CLEC9A: variants seen among roughly 807,000 people sequenced by gnomAD.
CLEC9A encodes C-type lectin domain containing 9A.
In CLEC9A, 24 loss-of-function variants were observed where a neutral mutation model predicts 30.0. The ratio of observed to expected loss-of-function variants is 0.80; its 90% CI spans 0.58 to 1.13. The LOEUF (loss-of-function observed/expected upper bound fraction) is 1.13. Among genes scored for constraint, CLEC9A ranks in the 50% most tolerant of loss-of-function variants. The pLI is 0.00. For missense variants in CLEC9A, 251 were observed against 280.9 expected, an observed-to-expected ratio of 0.89 and a Z score of 0.76; for synonymous variants, 111 against 96.8, an observed-to-expected ratio of 1.15 and a Z score of -0.86.
At chr12:10,060,638 A>G (rs1028011571) in intron 5 of CLEC9A, 3 of 156,960 alleles carry the variant, frequency 1.9e-5, no homozygotes, top group African/African-American at 4.8e-5. Context: ...GATTGTATCA[A>G]TGTCAATATC....
chr12:10,059,913 G>C (rs1865981429), intron 5 of CLEC9A, among the ~76,000 whole-genome samples: 1 of 152,086 alleles, frequency 6.6e-6, no homozygotes, highest in African/African-American at 2.4e-5. Flanking sequence ...CGTTTCACCA[G>C]AGAGAATATA....
chr12:10,064,019 A>G (rs1192211868), intron 7 of CLEC9A, among the ~76,000 whole-genome samples: 3 of 152,152 alleles, frequency 2.0e-5, no homozygotes, highest in African/African-American at 7.2e-5. Flanking sequence ...CAAAAAAATA[A>G]TAATAATAAA....
intron 2 of CLEC9A, among the ~76,000 whole-genome samples, chr12:10,042,481 G>T (rs183518770): frequency 4.5e-4 from 68 of 152,230 alleles, no homozygotes; most frequent in African/African-American, 1.5e-3. Flanking sequence ...CTCATATATT[G>T]ATTGATTTAC....
intron 1 of CLEC9A, 33 bp from the exon 2 acceptor site, chr12:10,041,432 AC>A: frequency 2.8e-6 from 1 of 360,280 alleles, no homozygotes; most frequent in East Asian, 7.1e-5. Flanking sequence ...CAATTTAAAA[AC>A]AACAACAACA....
chr12:10,065,255 T>C (rs1431091239), intron 8 of CLEC9A, among the ~76,000 whole-genome samples: 1 of 152,222 alleles, frequency 6.6e-6, no homozygotes, highest in Non-Finnish European at 1.5e-5. Context: ...GAGATTCTAA[T>C]TTAGGGACTG....
intron 7 of CLEC9A, 111 bp from the exon 8 acceptor site, chr12:10,064,621 A>G (rs1455696436): frequency 3.5e-5 from 41 of 1,182,360 alleles, no homozygotes; most frequent in Middle Eastern, 4.6e-4. Flanking sequence ...CTCCTTTTCC[A>G]GATTTCAAGT....
At chr12:10,031,876 T>C (rs1865700201) in intron 1 of CLEC9A, among the ~76,000 whole-genome samples, 2 of 151,726 alleles carry the variant, frequency 1.3e-5, no homozygotes, top group Admixed American at 1.3e-4. Context: ...TTGGGAAGGA[T>C]TGGCAGGGTT....
chr12:10,064,665 C>G, intron 7 of CLEC9A, 67 bp from the exon 8 acceptor site: 2 of 1,515,730 alleles, frequency 1.3e-6, no homozygotes, highest in South Asian at 2.5e-5. Flanking sequence ...AAATGTCACA[C>G]TTTATATTTC....
chr12:10,049,185 G>A (rs1339142624), intron 2 of CLEC9A, among the ~76,000 whole-genome samples: 1 of 152,002 alleles, frequency 6.6e-6, no homozygotes, highest in East Asian at 1.9e-4. Flanking sequence ...GTTCTCAACA[G>A]TGAGCTTAAA....
intron 1 of CLEC9A, among the ~76,000 whole-genome samples, chr12:10,031,339 C>A (rs1213605283): frequency 6.6e-6 from 1 of 152,112 alleles, no homozygotes; most frequent in African/African-American, 2.4e-5. Context: ...CCTACTGATC[C>A]CTCAGTCTAA....
chr12:10,050,534 G>A (rs1193497689), intron 2 of CLEC9A, among the ~76,000 whole-genome samples: 1 of 152,074 alleles, frequency 6.6e-6, no homozygotes, highest in South Asian at 2.1e-4. Context: ...ATAGTACTCG[G>A]AATATAATTA....
At chr12:10,040,043 G>A (rs559044726) in intron 1 of CLEC9A, among the ~76,000 whole-genome samples, 14 of 152,128 alleles carry the variant, frequency 9.2e-5, no homozygotes, top group South Asian at 2.1e-4. Flanking sequence ...GGCTGGTCTC[G>A]AACTCCTGGC....
At chr12:10,035,013 G>A (rs941835711) in intron 1 of CLEC9A, among the ~76,000 whole-genome samples, 9 of 152,206 alleles carry the variant, frequency 5.9e-5, no homozygotes, top group African/African-American at 7.2e-5. Context: ...AGCTCTCAGC[G>A]GATGGTGGAG....
chr12:10,061,266 A>T lies in CLEC9A; in HGVS notation c.312A>T (p.Leu104Phe). ...GCCAAGCCTTCATGCAAAACTCATTAAGTTCAGGTAATGGATAAAAATCAG... is the reference window on the plus strand; with the variant it reads ...GCCAAGCCTTCATGCAAAACTCATTTAGTTCAGGTAATGGATAAAAATCAG... The part of the protein sequence containing the change: ...KYCQAFMQNS[L>F]SSAHNSSPCP... Residue 104 changes from leucine to phenylalanine, a missense_variant, in exon 6 of 9, where the codon TTA (leucine) becomes TTT (phenylalanine). Leu to Phe is a conservative substitution (Grantham distance 22). Coordinates refer to ENST00000355819, the MANE Select transcript of CLEC9A (RefSeq NM_207345.4). The T allele has an allele frequency of 6.2e-7, 1 of 1,607,370 alleles. No homozygotes were observed. Among genetic ancestry groups the T allele is most frequent in the Non-Finnish European group, 8.5e-7 (1 of 1,177,920 alleles).
intron 3 of CLEC9A, chr12:10,052,383 G>A: frequency 2.1e-6 from 1 of 476,994 alleles, no homozygotes; most frequent in African/African-American, 2.0e-5. Context: ...TGAACTCACT[G>A]CTATCACCTT....
At chr12:10,038,521 A>G (rs1041798442) in intron 1 of CLEC9A, among the ~76,000 whole-genome samples, 15 of 152,268 alleles carry the variant, frequency 9.9e-5, no homozygotes, top group African/African-American at 3.4e-4. Context: ...AATTAGAGAA[A>G]AAAAAGAAAT....
In CLEC9A at chr12:10,064,805, A is replaced by C; in HGVS notation, c.545A>C (p.His182Pro). 1 of 1,613,688 alleles carries C rather than the reference A, an allele frequency of 6.2e-7. No homozygotes were observed. The highest frequency in any genetic ancestry group is 1.1e-5 in the South Asian group (1 of 91,018). The change falls in exon 8 of 9, where the codon CAC becomes CCC. Residue 182 changes from histidine to proline, a missense_variant. Physicochemically the swap from His to Pro is moderately conservative, Grantham distance 77 (BLOSUM62 -2). Coordinates refer to ENST00000355819, the MANE Select transcript of CLEC9A (RefSeq NM_207345.4). ...TGGGTGGGGTTGTCTCAGGATGGAC[A>C]CAGCGGACGCTGGCTTTGGCAAGAT... The part of the protein sequence containing the change: ...DYWVGLSQDG[H>P]SGRWLWQDGS...
chr12:10,037,970 T>C (rs1035538596), intron 1 of CLEC9A, among the ~76,000 whole-genome samples: 1 of 152,100 alleles, frequency 6.6e-6, no homozygotes, highest in Non-Finnish European at 1.5e-5. Context: ...TCACATAGCC[T>C]AAGAATTAGT....
rs371158674 is a variant in CLEC9A at position 10,064,860 on chromosome 12, C to T, written c.593+7C>T. ...CCTCTCCTTCTCCTGGCCTGTAAGT[C>T]TCTGAGTGAAATGCTACAAGAAAAG... is the stretch of plus-strand genomic sequence containing the variant. On this transcript the variant is annotated splice_region_variant and intron_variant, in intron 8 of 8. Coordinates refer to ENST00000355819, the MANE Select transcript of CLEC9A (RefSeq NM_207345.4). 1.0e-5 allele frequency: 16 copies of T among 1,606,400 alleles called. No homozygotes were observed. Among genetic ancestry groups the T allele is most frequent in the Non-Finnish European group, 1.4e-5 (16 of 1,177,314 alleles).
Sources: gnomAD v4.1 joint callset for allele counts (sites outside exome capture counted in the v4.1 genomes callset) on GRCh38, gnomAD v4.1.1 for gene constraint, MANE v1.5 for transcripts, NCBI Gene and HGNC (gene_info 2026-07-23, HGNC 2026-07-21) for gene names.